ADH7: variants seen among roughly 807,000 people sequenced by gnomAD.
ADH7 encodes all-trans-retinol dehydrogenase [NAD(+)] ADH7.
Under a neutral mutation model 34.4 loss-of-function variants are expected in ADH7, and 41 were observed. That is an observed-to-expected ratio of 1.19 (90% CI 0.93 to 1.55). The LOEUF (loss-of-function observed/expected upper bound fraction) is 1.55, where lower values mean the gene tolerates loss of function less well. ADH7 is among the 40% of genes most tolerant of loss of function. The pLI, the probability that ADH7 is intolerant of heterozygous loss-of-function variation, is 0.00. For missense variants in ADH7, 540 were observed against 461.2 expected (o/e 1.17, Z -1.56); for synonymous variants, 180 against 160.9 (o/e 1.12, Z -0.90).
chr4:99,425,885 A>G (rs1305613155), intron 5 of ADH7, among the ~76,000 whole-genome samples: 2 of 152,136 alleles, frequency 1.3e-5, no homozygotes, highest in Non-Finnish European at 1.5e-5. Context: ...CAATCAAACT[A>G]GAACTCAGGA....
chr4:99,413,015 G>C lies in ADH7; in HGVS notation c.*133C>G. ...ATAAAGGTTAATAATTCTTTATAAG[G>C]GTTCTATGTCTTCAACAAATCTTCT... On this transcript the variant is annotated 3_prime_UTR_variant, in exon 9 of 9. Coordinates refer to ENST00000437033, the MANE Select transcript of ADH7 (RefSeq NM_000673.7). 1 of 869,648 alleles carries C rather than the reference G, an allele frequency of 1.1e-6. No homozygotes were observed. The allele number at this position is 869,648 out of a possible 1,614,324, so 53.9% of individuals were successfully genotyped here. A position where few individuals can be genotyped will look rare whatever the true frequency, so the allele number is the denominator to read the frequency against.
At chr4:99,427,632 G>T in intron 5 of ADH7, 141 bp downstream of exon 5, 3 of 484,746 alleles carry the variant, frequency 6.2e-6, no homozygotes, top group Non-Finnish European at 6.7e-6. Context: ...TAGTTGATTT[G>T]GCATTGTGTT....
intron 5 of ADH7, among the ~76,000 whole-genome samples, chr4:99,427,455 C>T (rs769352977): frequency 3.9e-5 from 6 of 152,088 alleles, no homozygotes; most frequent in Non-Finnish European, 5.9e-5. Flanking sequence ...AAAGCCTCTG[C>T]TGTAACTAAA....
In ADH7 at chr4:99,428,104, G is replaced by T. The variant is rs1321189248; in HGVS notation, c.330C>A (p.Asn110Lys). The T allele has an allele frequency of 4.3e-6, 7 of 1,613,868 alleles. No homozygotes were observed. Among genetic ancestry groups the T allele is most frequent in the Non-Finnish European group, 4.2e-6 (5 of 1,179,870 alleles). ...AAACCTACTCGCTCCTAATGCAAAG[G>T]TTGCCATCTGGGTTGCGACAAGCAT... ...ECNACRNPDG[N>K]LCIRSDITGR... The change falls in exon 4 of 9, where the codon AAC (asparagine) becomes AAA (lysine). Residue 110 changes from asparagine to lysine, a missense_variant. Asn to Lys is a moderately conservative substitution (Grantham distance 94). Transcript: ENST00000437033.
intron 5 of ADH7, among the ~76,000 whole-genome samples, chr4:99,422,806 C>CTT (rs1032728079): frequency 3.6e-5 from 5 of 138,048 alleles, no homozygotes; most frequent in African/African-American, 1.3e-4. Flanking sequence ...GTCAAAGATT[C>CTT]TTTTTTTTTT....
chr4:99,420,128 G>A (rs543033795), intron 6 of ADH7, among the ~76,000 whole-genome samples: 1 of 152,146 alleles, frequency 6.6e-6, no homozygotes, highest in South Asian at 2.1e-4. Context: ...AGATTTGGGG[G>A]AATAGACCAC....
At position 99,415,527 on chromosome 4, in the gene ADH7, G is replaced by A. The variant is rs777186848; in HGVS notation, c.1051C>T (p.Pro351Ser). The A allele has an allele frequency of 6.2e-7, 1 of 1,612,968 alleles. No homozygotes were observed. The highest frequency in any genetic ancestry group is 8.5e-7 in the Non-Finnish European group (1 of 1,179,458). ...DLDQLITHVL[P>S]FKKISEGFEL... ...AATCCTTCACTGATTTTTTTAAATG[G>A]TAAAACATGAGTTATCAACTGGTCC... Residue 351 changes from proline (P) to serine (S), a missense_variant, in exon 8 of 9, where the codon CCA becomes TCA. Physicochemically the swap from Pro to Ser is moderately conservative, Grantham distance 74. Transcript: ENST00000437033.
At chr4:99,424,422 A>T (rs1462071297) in intron 5 of ADH7, among the ~76,000 whole-genome samples, 1 of 152,182 alleles carries the variant, frequency 6.6e-6, no homozygotes, top group Non-Finnish European at 1.5e-5. Flanking sequence ...GAAGAAAGTC[A>T]TTGGTAGCTT....
At position 99,415,521 on chromosome 4, in the gene ADH7, T is replaced by G. The variant is rs1335813244; in HGVS notation, c.1057A>C (p.Lys353Gln). ...AGCTCAAATCCTTCACTGATTTTTT[T>G]AAATGGTAAAACATGAGTTATCAAC... ...DQLITHVLPF[K>Q]KISEGFELLN... is the part of the protein sequence containing the mutation. The change falls in exon 8 of 9, where the codon AAA (lysine) becomes CAA (glutamine). Residue 353 changes from lysine (K) to glutamine (Q), a missense_variant. Coordinates refer to ENST00000437033, the MANE Select transcript of ADH7 (RefSeq NM_000673.7). 2 of 1,613,432 alleles carry G rather than the reference T, an allele frequency of 1.2e-6. No individual in the cohort carries two copies. Among genetic ancestry groups the G allele is most frequent in the Admixed American group, 1.7e-5 (1 of 59,968 alleles).
Position 99,428,068 on chromosome 4 carries a change from A to G in ADH7, c.347+19T>C. 3 of 1,613,686 alleles carry G rather than the reference A, an allele frequency of 1.9e-6. No individual in the cohort carries two copies. The highest frequency in any genetic ancestry group is 1.7e-6 in the Non-Finnish European group (2 of 1,179,648). ...AGGAAAAATGTAAATACATTAAAGT[A>G]AAAATGACTGAAACCTACTCGCTCC... On this transcript the variant is annotated intron_variant, in intron 4 of 8. Coordinates refer to ENST00000437033, the MANE Select transcript of ADH7 (RefSeq NM_000673.7).
At chr4:99,418,637 G>A (rs1433894838) in intron 7 of ADH7, among the ~76,000 whole-genome samples, 2 of 152,042 alleles carry the variant, frequency 1.3e-5, no homozygotes, top group Non-Finnish European at 2.9e-5. Context: ...ATTATGAATC[G>A]AATAAATTCA....
In ADH7 at chr4:99,429,558, G is replaced by A. The variant is rs756988066; in HGVS notation, c.94C>T (p.Pro32Ser). 6.2e-7 allele frequency: 1 copy of A among 1,612,208 alleles called. No homozygotes were observed. Among genetic ancestry groups the A allele is most frequent in the South Asian group, 1.1e-5 (1 of 90,694 alleles). ...TTAATGCGAACTTCTTTAGTCTTTG[G>A]TGGGGCAACTTCTATTTCCTCAATG... ...FSIEEIEVAP[P>S]KTKEVRIKIL... Residue 32 changes from proline to serine, a missense_variant, in exon 2 of 9, where the codon CCA becomes TCA. By Grantham distance (74) the Pro-to-Ser change is moderately conservative (BLOSUM62 -1). Transcript: ENST00000437033.
chr4:99,415,565 T>G lies in ADH7; in HGVS notation c.1013A>C (p.Lys338Thr), dbSNP rs768967399. ...TATCAACTGGTCCAGGTCAAATTTC[T>G]TTGCCAGGAACTCAGTCACTAGTTT... ...VPKLVTEFLA[K>T]KFDLDQLITH... The change falls in exon 8 of 9, where the codon AAG becomes ACG. Residue 338 changes from lysine (K) to threonine (T), a missense_variant. Coordinates refer to ENST00000437033, the MANE Select transcript of ADH7 (RefSeq NM_000673.7). 1 of 1,613,684 alleles carries G rather than the reference T, an allele frequency of 6.2e-7. No homozygotes were observed. The highest frequency in any genetic ancestry group is 8.5e-7 in the Non-Finnish European group (1 of 1,179,736).
intron 1 of ADH7, chr4:99,432,693 C>T (rs887442488): frequency 6.6e-6 from 1 of 152,080 alleles, no homozygotes; most frequent in Admixed American, 6.6e-5. Flanking sequence ...CACTTACATC[C>T]TGGGAGATAC....
At chr4:99,429,419 A>T in intron 2 of ADH7, 113 bp downstream of exon 2, 1 of 690,324 alleles carries the variant, frequency 1.4e-6, no homozygotes, top group Non-Finnish European at 2.4e-6. Context: ...AGGAATTAAT[A>T]CTCCAAACAT....
chr4:99,420,852 A>G, intron 5 of ADH7, 59 bp from the exon 6 acceptor site: 1 of 1,539,254 alleles, frequency 6.5e-7, no homozygotes, highest in Non-Finnish European at 8.9e-7. Context: ...TGAAACCTGA[A>G]AAGGGCCTCC....
chr4:99,433,529 A>C (rs140457560), intron 1 of ADH7, among the ~76,000 whole-genome samples: 1 of 152,244 alleles, frequency 6.6e-6, no homozygotes, highest in East Asian at 1.9e-4. Flanking sequence ...TCTCCCTCCA[A>C]ATTCGTATGT....
intron 7 of ADH7, among the ~76,000 whole-genome samples, chr4:99,417,868 T>C (rs1299280298): frequency 6.6e-6 from 1 of 152,230 alleles, no homozygotes; most frequent in Non-Finnish European, 1.5e-5. Context: ...CTTATTGTTT[T>C]GTTCTTCAAG....
chr4:99,422,934 A>T (rs1185313195), intron 5 of ADH7, among the ~76,000 whole-genome samples: 1 of 147,092 alleles, frequency 6.8e-6, no homozygotes, highest in Non-Finnish European at 1.5e-5. Context: ...TGTGCAGGTT[A>T]GTTACATATG....
Sources: allele counts gnomAD v4.1 joint callset (sites outside exome capture counted in the v4.1 genomes callset), GRCh38; gene constraint gnomAD v4.1.1; transcripts MANE v1.5; gene names NCBI Gene and HGNC (gene_info 2026-07-23, HGNC 2026-07-21).